PCDHGA2: variants seen among roughly 807,000 people sequenced by gnomAD.
PCDHGA2 encodes protocadherin gamma-A2.
In PCDHGA2, 40 loss-of-function variants were observed where a neutral mutation model predicts 59.2. The observed-to-expected ratio is 0.68, with a 90% CI of 0.52 to 0.88. The LOEUF is 0.88. PCDHGA2 is among the 40% of genes least tolerant of loss of function. The pLI is 0.00. For synonymous variants in PCDHGA2, 560 were observed against 526.0 expected, an observed-to-expected ratio of 1.06 and a Z score of -0.89; for missense variants, 1,226 against 1,204.0, an observed-to-expected ratio of 1.02 and a Z score of -0.27.
Position 141,489,213 on chromosome 5 carries a change from T to G in PCDHGA2, c.2425-5594T>G, listed in dbSNP as rs372898969. 11 of 1,473,392 alleles carry G rather than the reference T, an allele frequency of 7.5e-6. No homozygotes were observed. The highest frequency in any genetic ancestry group is 6.4e-6 in the Non-Finnish European group (7 of 1,091,332). 91.3% of individuals were successfully genotyped at this position (1,473,392 alleles called of 1,614,324 possible). On this transcript the variant is annotated intron_variant, in intron 1 of 3. Coordinates refer to ENST00000394576, the MANE Select transcript of PCDHGA2 (RefSeq NM_018915.4). This position sits in a 1 kb window ranked among gnomAD's most constrained non-coding sequence, Gnocchi z 4.5. Reference sequence around the variant, plus strand: ...ACCTTGGAGACAGGACAGCACAGACTTACTCTCCACAAAGGGACTTCTGGG... The same window carrying G: ...ACCTTGGAGACAGGACAGCACAGACGTACTCTCCACAAAGGGACTTCTGGG...
At chr5:141,497,818 G>T (rs2099779657) in intron 2 of PCDHGA2, among the ~76,000 whole-genome samples, 1 of 152,194 alleles carries the variant, frequency 6.6e-6, no homozygotes, top group African/African-American at 2.4e-5. Context: ...AGAATTACAG[G>T]TGTGATCGCC....
chr5:141,483,887 C>G (rs147069309), intron 1 of PCDHGA2, among the ~76,000 whole-genome samples: 13 of 152,036 alleles, frequency 8.6e-5, no homozygotes, highest in Non-Finnish European at 1.2e-4. Context: ...TTTTCTATTT[C>G]TCTGAGCTCT....
intron 1 of PCDHGA2, among the ~76,000 whole-genome samples, chr5:141,454,065 G>A (rs1167102666): frequency 1.3e-5 from 2 of 152,204 alleles, no homozygotes; most frequent in Non-Finnish European, 2.9e-5. Flanking sequence ...AGAAACAAAA[G>A]TGATAATGTT....
chr5:141,423,184 C>A (rs747938944), intron 1 of PCDHGA2: 1 of 1,613,442 alleles, frequency 6.2e-7, no homozygotes, highest in South Asian at 1.1e-5. Flanking sequence ...CCACGGCCAG[C>A]CCCCTCTCTC....
intron 1 of PCDHGA2, among the ~76,000 whole-genome samples, chr5:141,492,927 G>A (rs925569925): frequency 2.0e-5 from 3 of 152,180 alleles, no homozygotes; most frequent in Admixed American, 6.5e-5. Context: ...AGCGATCTAG[G>A]GTCAGAGATT....
At position 141,487,493 on chromosome 5, in the gene PCDHGA2, C is replaced by A. The variant is rs1372433097; in HGVS notation, c.2425-7314C>A. 5.6e-6 allele frequency: 9 copies of A among 1,614,050 alleles called. No individual in the cohort carries two copies. The highest frequency in any genetic ancestry group is 6.8e-6 in the Non-Finnish European group (8 of 1,180,034). On this transcript the variant is annotated intron_variant, in intron 1 of 3. Coordinates refer to ENST00000394576, the MANE Select transcript of PCDHGA2 (RefSeq NM_018915.4). This position sits in a 1 kb window ranked among gnomAD's most constrained non-coding sequence, Gnocchi z 5.0. ...GGGAGGCCACTCTCATGGCTGTACACCCTTGGCTTCTGCACCCACTCGGAG... is the reference window on the plus strand; with the variant it reads ...GGGAGGCCACTCTCATGGCTGTACAACCTTGGCTTCTGCACCCACTCGGAG...
chr5:141,503,343 T>C (rs558650835), intron 2 of PCDHGA2, among the ~76,000 whole-genome samples: 87 of 152,106 alleles, frequency 5.7e-4, no homozygotes, highest in South Asian at 1.2e-3. Flanking sequence ...ACGCCTGTAA[T>C]TCCAGCACTT....
chr5:141,494,751 G>C (rs2099756509), intron 1 of PCDHGA2, 56 bp from the exon 2 acceptor site: 2 of 1,613,426 alleles, frequency 1.2e-6, no homozygotes, highest in African/African-American at 1.3e-5. Flanking sequence ...AGGGGCTCGG[G>C]TGACATTCTA....
At chr5:141,355,153 T>A in intron 1 of PCDHGA2, 3 of 1,549,638 alleles carry the variant, frequency 1.9e-6, no homozygotes, top group Non-Finnish European at 2.6e-6. Context: ...TCCTCAGGCC[T>A]CGACAGAGGG....
Position 141,384,796 on chromosome 5 carries a change from C to A in PCDHGA2, c.2424+43401C>A, listed in dbSNP as rs1182973938. 1 of 1,613,330 alleles carries A rather than the reference C, an allele frequency of 6.2e-7. No homozygotes were observed. Among genetic ancestry groups the A allele is most frequent in the African/African-American group, 1.3e-5 (1 of 74,956 alleles). ...CGAGGTGCGCACGGCTCGGGCCCTG[C>A]TGGACAGAGATGCCCTCAAGCAGAG... is the stretch of plus-strand genomic sequence containing the variant. On this transcript the variant is annotated intron_variant, in intron 1 of 3. Coordinates refer to ENST00000394576, the MANE Select transcript of PCDHGA2 (RefSeq NM_018915.4).
chr5:141,481,913 C>CA (rs34114744), intron 1 of PCDHGA2, among the ~76,000 whole-genome samples: 1,134 of 90,654 alleles, frequency 0.013, 16 homozygotes, highest in East Asian at 0.053. Flanking sequence ...AACTCCATCT[C>CA]AAAAAAAAAA....
At position 141,339,978 on chromosome 5, in the gene PCDHGA2, C is replaced by G. The variant is rs750684528; in HGVS notation, c.1007C>G (p.Thr336Arg). 2 of 1,613,948 alleles carry G rather than the reference C, an allele frequency of 1.2e-6. No homozygotes were observed. Among genetic ancestry groups the G allele is most frequent in the East Asian group, 2.2e-5 (1 of 44,900 alleles). The part of the protein sequence containing the change: ...GLLTRAKVIV[T>R]VLDVNDNAPE... ...CTAACCAGAGCGAAGGTTATCGTCA[C>G]GGTTCTGGATGTGAATGACAATGCC... Residue 336 changes from threonine to arginine, a missense_variant, in exon 1 of 4, where the codon ACG becomes AGG. Physicochemically the swap from Thr to Arg is moderately conservative, Grantham distance 71 (BLOSUM62 -1). Coordinates refer to ENST00000394576, the MANE Select transcript of PCDHGA2 (RefSeq NM_018915.4).
intron 1 of PCDHGA2, among the ~76,000 whole-genome samples, chr5:141,473,195 C>G (rs1053769499): frequency 6.6e-6 from 1 of 152,104 alleles, no homozygotes; most frequent in Non-Finnish European, 1.5e-5. Flanking sequence ...GTAAATGTAT[C>G]TTCTAAAAAA....
chr5:141,374,934 T>C (rs1296373171), intron 1 of PCDHGA2: 2 of 1,614,038 alleles, frequency 1.2e-6, no homozygotes, highest in Admixed American at 1.7e-5. Context: ...TTTGTGAAGA[T>C]TACAGAAAAG....
chr5:141,377,871 C>T (rs1490492398), intron 1 of PCDHGA2: 1 of 152,290 alleles, frequency 6.6e-6, no homozygotes, highest in East Asian at 1.9e-4. Flanking sequence ...AAAGACTTCT[C>T]TTATCAGAGA....
rs186005750 is a variant in PCDHGA2, at chr5:141,351,541, C to T, written c.2424+10146C>T. Reference sequence around the variant, plus strand: ...TAGCCACCGACAAGGGCAAACCAGCCCTTTCCTCCAGGACAAGCATCACCC... The same window carrying T: ...TAGCCACCGACAAGGGCAAACCAGCTCTTTCCTCCAGGACAAGCATCACCC... On this transcript the variant is annotated intron_variant, in intron 1 of 3. Transcript: ENST00000394576. 154 of 1,614,046 alleles carry T rather than the reference C, an allele frequency of 9.5e-5. 1 individual carries two copies. The East Asian group carries it at 1.2e-3, about 12-fold the overall frequency.
Position 141,477,044 on chromosome 5 carries a change from C to T in PCDHGA2, c.2425-17763C>T, listed in dbSNP as rs750525889. ...CGGGATGCTGACAATCAAGGGTCGG[C>T]TGGACTTCGAGGACACCAAACTCCA... On this transcript the variant is annotated intron_variant, in intron 1 of 3. Coordinates refer to ENST00000394576, the MANE Select transcript of PCDHGA2 (RefSeq NM_018915.4). The surrounding 1 kb of genome is among the most constrained non-coding windows in gnomAD (Gnocchi z 4.9). 6.2e-7 allele frequency: 1 copy of T among 1,614,246 alleles called. No individual in the cohort carries two copies. Among genetic ancestry groups the T allele is most frequent in the Non-Finnish European group, 8.5e-7 (1 of 1,180,034 alleles).
chr5:141,357,189 T>A, intron 1 of PCDHGA2: 1 of 1,613,760 alleles, frequency 6.2e-7, no homozygotes, highest in Non-Finnish European at 8.5e-7. Context: ...TCACTGTGGC[T>A]GTGGCCGACA....
At chr5:141,386,302 C>T (rs1192647200) in intron 1 of PCDHGA2, among the ~76,000 whole-genome samples, 1 of 152,174 alleles carries the variant, frequency 6.6e-6, no homozygotes, top group Non-Finnish European at 1.5e-5. Flanking sequence ...TTTAGTAAAG[C>T]TCAGTATATC....
Sources: gnomAD v4.1 joint callset for allele counts (sites outside exome capture counted in the v4.1 genomes callset) on GRCh38, gnomAD v4.1.1 for gene constraint, Gnocchi (gnomAD v3.1) non-coding constraint, MANE v1.5 for transcripts, NCBI Gene and HGNC (gene_info 2026-07-23, HGNC 2026-07-21) for gene names.